Variants in ATP10B observed in about 807,000 individuals in gnomAD.
ATP10B encodes the protein phospholipid-transporting ATPase VB.
A neutral mutation model predicts 141.2 loss-of-function variants in ATP10B; 122 were observed. The observed-to-expected ratio is 0.86, with a 90% confidence interval of 0.75 to 1.00. The LOEUF is 1.00. Ranked by LOEUF, ATP10B falls within the 50% of genes least tolerant of loss-of-function variation. The probability of loss-of-function intolerance (pLI) is 0.00; values close to 1 mark genes in which losing one functional copy is unlikely to be tolerated. For synonymous variants in ATP10B, 685 were observed against 692.0 expected (o/e 0.99, Z 0.16); for missense variants, 1,876 against 1,825.3 (o/e 1.03, Z -0.51).
chr5:160,881,058 C>T, the ATP10B span, among the ~76,000 whole-genome samples: 16,612 of 151,952 alleles, frequency 0.11, 967 homozygotes, highest in Middle Eastern at 0.16. Flanking sequence ...AGACTATTAC[C>T]CAAAATATAC....
intron 13 of ATP10B, among the ~76,000 whole-genome samples, chr5:160,627,539 C>T (rs1480877000): frequency 6.6e-6 from 1 of 152,080 alleles, no homozygotes; most frequent in East Asian, 1.9e-4. Context: ...TCAACTGGTA[C>T]AACGTCTTGG....
intron 1 of ATP10B, among the ~76,000 whole-genome samples, chr5:160,843,933 T>C (rs1053198827): frequency 6.6e-6 from 1 of 152,168 alleles, no homozygotes; most frequent in Non-Finnish European, 1.5e-5. Context: ...TAATTACTCA[T>C]TTTAAACTTA....
intron 1 of ATP10B, among the ~76,000 whole-genome samples, chr5:160,821,257 A>G (rs1774079885): frequency 6.6e-6 from 1 of 152,112 alleles, no homozygotes; most frequent in Admixed American, 6.5e-5. Context: ...AAGTAATTCC[A>G]TTTATAATAG....
At chr5:160,734,222 A>G (rs1766953606) in intron 2 of ATP10B, among the ~76,000 whole-genome samples, 1 of 152,032 alleles carries the variant, frequency 6.6e-6, no homozygotes, top group Non-Finnish European at 1.5e-5. Context: ...AAGAAATGCT[A>G]AGGATTCTTC....
chr5:160,733,587 T>TG lies in ATP10B; in HGVS notation c.-330-16554_-330-16553insC. On this transcript the variant is annotated intron_variant, in intron 2 of 25. Transcript: ENST00000327245. ...AATGACATATATATGTCACATATGT[T>TG]ACATATATACGTTACATATATGTCA... Among the ~76,000 whole-genome samples the TG allele has an allele frequency of 2.0e-5, 3 of 151,896 alleles. No homozygotes were observed. In the Middle Eastern group the frequency reaches 0.01, roughly 527 times the overall value.
chr5:160,796,316 G>T (rs567934109), intron 1 of ATP10B, among the ~76,000 whole-genome samples: 1 of 152,192 alleles, frequency 6.6e-6, no homozygotes, highest in African/African-American at 2.4e-5. Context: ...ATTTAAAAAG[G>T]GCTCAATCTT....
At chr5:160,797,703 A>C (rs1772049128) in intron 1 of ATP10B, among the ~76,000 whole-genome samples, 1 of 152,046 alleles carries the variant, frequency 6.6e-6, no homozygotes, top group African/African-American at 2.4e-5. Flanking sequence ...CTGGTGTTCA[A>C]ACCTACATTT....
chr5:160,629,840 G>GTGCCTAA (rs1758821595), intron 13 of ATP10B, among the ~76,000 whole-genome samples: 1 of 152,206 alleles, frequency 6.6e-6, no homozygotes, highest in African/African-American at 2.4e-5. Context: ...GACTCCACGT[G>GTGCCTAA]TGCCTAATTC....
intron 1 of ATP10B, among the ~76,000 whole-genome samples, chr5:160,810,840 T>C (rs1342547465): frequency 6.6e-6 from 1 of 152,254 alleles, no homozygotes; most frequent in Non-Finnish European, 1.5e-5. Context: ...TCATGTGATG[T>C]TGATCTTGCT....
chr5:160,825,338 G>T (rs1011048813), intron 1 of ATP10B, among the ~76,000 whole-genome samples: 1 of 152,116 alleles, frequency 6.6e-6, no homozygotes, highest in African/African-American at 2.4e-5. Context: ...TTAATCATGG[G>T]GGCAGTTTCC....
intron 22 of ATP10B, among the ~76,000 whole-genome samples, chr5:160,596,848 A>G (rs1756730566): frequency 2.6e-5 from 4 of 152,226 alleles, no homozygotes. Flanking sequence ...GACGTGAAGG[A>G]CCTCTTCAAA....
intron 1 of ATP10B, among the ~76,000 whole-genome samples, chr5:160,807,871 C>A (rs1044089337): frequency 6.6e-6 from 1 of 152,198 alleles, no homozygotes; most frequent in African/African-American, 2.4e-5. Context: ...GGCTACCCTG[C>A]TCTCACATGT....
chr5:160,817,023 A>T (rs547953789), intron 1 of ATP10B, among the ~76,000 whole-genome samples: 2 of 152,226 alleles, frequency 1.3e-5, no homozygotes, highest in Non-Finnish European at 2.9e-5. Flanking sequence ...AAAGCTATCT[A>T]TGACAAACCC....
chr5:160,828,806 C>A (rs1446499885), intron 1 of ATP10B, among the ~76,000 whole-genome samples: 1 of 151,246 alleles, frequency 6.6e-6, no homozygotes, highest in Non-Finnish European at 1.5e-5. Flanking sequence ...TGGAACCAAC[C>A]CAAATGCCCA....
At chr5:160,693,572 C>CGAG (rs1421160072) in intron 3 of ATP10B, among the ~76,000 whole-genome samples, 1 of 151,964 alleles carries the variant, frequency 6.6e-6, no homozygotes, top group Non-Finnish European at 1.5e-5. Context: ...GGTAGAAGAA[C>CGAG]GAGTTCCAGA....
intron 2 of ATP10B, among the ~76,000 whole-genome samples, chr5:160,757,874 T>A (rs1254385314): frequency 6.6e-6 from 1 of 152,150 alleles, no homozygotes; most frequent in Admixed American, 6.5e-5. Context: ...TCCTGTGCAT[T>A]GTAGGGTGGT....
chr5:160,682,932 G>A (rs1477193842), intron 6 of ATP10B, among the ~76,000 whole-genome samples: 1 of 150,978 alleles, frequency 6.6e-6, no homozygotes, highest in Non-Finnish European at 1.5e-5. Context: ...CCAGCTACTC[G>A]GGAGGCTGAG....
the ATP10B span, among the ~76,000 whole-genome samples, chr5:160,887,706 C>T: frequency 6.6e-6 from 1 of 152,174 alleles, no homozygotes; most frequent in East Asian, 1.9e-4. Context: ...ACAAACCCTC[C>T]TGAGGGTCTT....
At chr5:160,816,311 A>G (rs1272851322) in intron 1 of ATP10B, among the ~76,000 whole-genome samples, 2 of 152,088 alleles carry the variant, frequency 1.3e-5, no homozygotes, top group Non-Finnish European at 2.9e-5. Context: ...AAAAAATGAT[A>G]AAGGGGATAT....
Sources: allele counts gnomAD v4.1 joint callset (sites outside exome capture counted in the v4.1 genomes callset), GRCh38; gene constraint gnomAD v4.1.1; transcripts MANE v1.5; gene names NCBI Gene and HGNC (gene_info 2026-07-23, HGNC 2026-07-21).